RFTN1: variants seen among roughly 807,000 people sequenced by gnomAD.
RFTN1 encodes raftlin.
Under a neutral mutation model 46.5 loss-of-function variants are expected in RFTN1, and 26 were observed. That is an observed-to-expected ratio of 0.56 (90% CI 0.41 to 0.78). The LOEUF is 0.78. RFTN1 is among the 30% of genes least tolerant of loss of function. RFTN1 has a pLI of 0.00. For missense variants in RFTN1, 693 were observed against 718.7 expected, an observed-to-expected ratio of 0.96 and a Z score of 0.41; for synonymous variants, 261 against 284.2, an observed-to-expected ratio of 0.92 and a Z score of 0.82.
At chr3:16,476,399 C>G (rs1236115239) in intron 2 of RFTN1, among the ~76,000 whole-genome samples, 1 of 152,186 alleles carries the variant, frequency 6.6e-6, no homozygotes, top group Non-Finnish European at 1.5e-5. Flanking sequence ...CCTCATGGAG[C>G]TTACCATTAT....
At chr3:16,330,025 TAAAG>T (rs1343865485) in intron 7 of RFTN1, among the ~76,000 whole-genome samples, 2 of 152,162 alleles carry the variant, frequency 1.3e-5, no homozygotes, top group African/African-American at 2.4e-5. Context: ...GTCACTCTCT[TAAAG>T]AAAAAATCAG....
At chr3:16,386,367 G>A (rs191271667) in intron 4 of RFTN1, among the ~76,000 whole-genome samples, 1 of 152,174 alleles carries the variant, frequency 6.6e-6, no homozygotes. Context: ...GCTGTACGTG[G>A]ATTAACTCAT....
rs1443257724 is a variant in RFTN1, at chr3:16,335,537, CACTT to C, written c.1147-8665_1147-8662del. ...CAGAAAATCAAACACCACATGTTCT[CACTT>C]ACAAGTGGGAGAGCTGAACGGTGAA... On this transcript the variant is annotated intron_variant, in intron 7 of 9. Coordinates refer to ENST00000334133, the MANE Select transcript of RFTN1 (RefSeq NM_015150.2). The surrounding 1 kb of genome is among the most constrained non-coding windows in gnomAD (Gnocchi z 4.7). Among the ~76,000 whole-genome samples the C allele has an allele frequency of 2.0e-4, 31 of 152,326 alleles. No individual in the cohort carries two copies. The highest frequency in any genetic ancestry group is 6.7e-4 in the African/African-American group (28 of 41,566).
rs2074224176 is a variant in RFTN1 at position 16,387,570 on chromosome 3, T to TTCTCTCTCTCTCCCTCTCTC, written c.442-9469_442-9468insGAGAGAGGGAGAGAGAGAGA. Among the ~76,000 whole-genome samples the TTCTCTCTCTCTCCCTCTCTC allele has an allele frequency of 8.6e-6, 1 of 116,418 alleles. No individual in the cohort carries two copies. The highest frequency in any genetic ancestry group is 2.3e-4 in the East Asian group (1 of 4,296). The allele number at this position is 116,418 out of a possible 152,430, so 76.4% of individuals were successfully genotyped here. ...CACTTCTCTCTTCTATATCCTCAAT[T>TTCTCTCTCTCTCCCTCTCTC]TCTCTCTCTCTCTCTCTCTCTCTCT... On this transcript the variant is annotated intron_variant, in intron 4 of 9. Transcript: ENST00000334133. This position sits in a 1 kb window ranked among gnomAD's most constrained non-coding sequence, Gnocchi z 5.2.
chr3:16,329,110 C>G lies in RFTN1; in HGVS notation c.1147-2234G>C, dbSNP rs1232942736. Among the ~76,000 whole-genome samples, 2 of 152,204 alleles carry G rather than the reference C, an allele frequency of 1.3e-5. No individual in the cohort carries two copies. Among genetic ancestry groups the G allele is most frequent in the Non-Finnish European group, 2.9e-5 (2 of 68,036 alleles). ...ACTCTTGTGAATGGGTTAATGCCAA[C>G]TCAGGCAAAGGGCTTGAGGCTACAA... On this transcript the variant is annotated intron_variant, in intron 7 of 9. Coordinates refer to ENST00000334133, the MANE Select transcript of RFTN1 (RefSeq NM_015150.2). This position sits in a 1 kb window ranked among gnomAD's most constrained non-coding sequence, Gnocchi z 4.5.
At chr3:16,325,611 T>C (rs887791394) in intron 8 of RFTN1, among the ~76,000 whole-genome samples, 5 of 152,202 alleles carry the variant, frequency 3.3e-5, no homozygotes, top group African/African-American at 4.8e-5. Flanking sequence ...GGGTTCTTTC[T>C]ACACCACTGC....
chr3:16,442,436 C>A lies in RFTN1; in HGVS notation c.146-8399G>T, dbSNP rs1349852655. On this transcript the variant is annotated intron_variant, in intron 2 of 9. Transcript: ENST00000334133. The surrounding 1 kb of genome is among the most constrained non-coding windows in gnomAD (Gnocchi z 4.1). The stretch of plus-strand genomic sequence containing the variant: ...CATGCTTTCACAAAAAAAAACTATT[C>A]TTTTTTTAAATTTTAATGGATTTTT... Among the ~76,000 whole-genome samples the A allele has an allele frequency of 6.6e-6, 1 of 152,104 alleles. No individual in the cohort carries two copies. Among genetic ancestry groups the A allele is most frequent in the African/African-American group, 2.4e-5 (1 of 41,414 alleles).
chr3:16,454,929 G>A (rs960868551), intron 2 of RFTN1: 2 of 273,618 alleles, frequency 7.3e-6, no homozygotes, highest in African/African-American at 4.6e-5. Context: ...AAAAACAAAG[G>A]ATAGAGCAAA....
At chr3:16,471,085 C>A (rs1200644801) in intron 2 of RFTN1, among the ~76,000 whole-genome samples, 3 of 152,138 alleles carry the variant, frequency 2.0e-5, no homozygotes, top group Non-Finnish European at 4.4e-5. Context: ...TTCCCAAAAA[C>A]CACAGAATAA....
At chr3:16,412,517 G>A (rs894140391) in intron 3 of RFTN1, among the ~76,000 whole-genome samples, 2 of 152,208 alleles carry the variant, frequency 1.3e-5, no homozygotes, top group Non-Finnish European at 1.5e-5. Context: ...GGGAGTTTCT[G>A]GGCTTCTCAG....
rs1457175639 is a variant in RFTN1, at chr3:16,443,044, A to G, written c.146-9007T>C. 2.0e-5 allele frequency among the ~76,000 whole-genome samples: 3 copies of G among 152,244 alleles called. No individual in the cohort carries two copies. Among genetic ancestry groups the G allele is most frequent in the Non-Finnish European group, 4.4e-5 (3 of 68,038 alleles). ...GTGAATAATGCTGCATGGAGTGCAGATATCTCTTCAACATACTGATTTCAT... is the reference window on the plus strand; with the variant it reads ...GTGAATAATGCTGCATGGAGTGCAGGTATCTCTTCAACATACTGATTTCAT... On this transcript the variant is annotated intron_variant, in intron 2 of 9. Coordinates refer to ENST00000334133, the MANE Select transcript of RFTN1 (RefSeq NM_015150.2). The surrounding 1 kb of genome is among the most constrained non-coding windows in gnomAD (Gnocchi z 5.5).
chr3:16,404,680 G>A (rs2074809137), intron 4 of RFTN1, among the ~76,000 whole-genome samples: 1 of 151,942 alleles, frequency 6.6e-6, no homozygotes, highest in East Asian at 1.9e-4. Context: ...CAACGGCACA[G>A]AGCTGCCCAC....
rs9860072 is a variant in RFTN1, at chr3:16,470,213, A to C, written c.145+23512T>G. Reference sequence around the variant, plus strand: ...ATCAAGTCTCCTGCAGATAACAACTATAAACTCTGCACACACGCACACACA... The same window carrying C: ...ATCAAGTCTCCTGCAGATAACAACTCTAAACTCTGCACACACGCACACACA... On this transcript the variant is annotated intron_variant, in intron 2 of 9. Transcript: ENST00000334133. 5.1e-3 allele frequency among the ~76,000 whole-genome samples: 779 copies of C among 151,728 alleles called. 6 individuals are homozygous for C. Among genetic ancestry groups the C allele is most frequent in the African/African-American group, 0.018 (727 of 41,332 alleles).
chr3:16,492,288 G>A (rs769634153), intron 2 of RFTN1, among the ~76,000 whole-genome samples: 4 of 152,156 alleles, frequency 2.6e-5, no homozygotes, highest in Non-Finnish European at 4.4e-5. Flanking sequence ...GCCTCCGCAC[G>A]GAGACAGTCA....
intron 5 of RFTN1, 92 bp downstream of exon 5, chr3:16,377,626 C>T (rs2073826997): frequency 1.3e-6 from 2 of 1,504,776 alleles, no homozygotes; most frequent in Admixed American, 4.5e-5. Flanking sequence ...CTCTAAATTC[C>T]ATTCCTTTTT....
rs554081011 is a variant in RFTN1, at chr3:16,428,051, T to C, written c.332+5800A>G. Among the ~76,000 whole-genome samples the C allele has an allele frequency of 2.0e-5, 3 of 152,318 alleles. No individual in the cohort carries two copies. Among genetic ancestry groups the C allele is most frequent in the East Asian group, 3.9e-4 (2 of 5,188 alleles). ...TGCAGCTCCCTAGTAGATAGATAAGTTTCTTGAGATCTAGGAGCTCCTTAG... is the reference window on the plus strand; with the variant it reads ...TGCAGCTCCCTAGTAGATAGATAAGCTTCTTGAGATCTAGGAGCTCCTTAG... On this transcript the variant is annotated intron_variant, in intron 3 of 9. Coordinates refer to ENST00000334133, the MANE Select transcript of RFTN1 (RefSeq NM_015150.2). This position sits in a 1 kb window ranked among gnomAD's most constrained non-coding sequence, Gnocchi z 4.7.
At chr3:16,423,818 G>A (rs976558354) in intron 3 of RFTN1, among the ~76,000 whole-genome samples, 1 of 152,152 alleles carries the variant, frequency 6.6e-6, no homozygotes, top group Non-Finnish European at 1.5e-5. Flanking sequence ...AATTCCCCAC[G>A]AACAGGAATC....
Position 16,460,265 on chromosome 3 carries a change from A to G in RFTN1, c.146-26228T>C, listed in dbSNP as rs969414069. On this transcript the variant is annotated intron_variant, in intron 2 of 9. Coordinates refer to ENST00000334133, the MANE Select transcript of RFTN1 (RefSeq NM_015150.2). The surrounding 1 kb of genome is among the most constrained non-coding windows in gnomAD (Gnocchi z 4.8). ...TGTACATTTACTGGGATCTGGCAGG[A>G]TGAGTTGCACATGGGTAGCATTTAT... is the stretch of plus-strand genomic sequence containing the variant. Among the ~76,000 whole-genome samples the G allele has an allele frequency of 1.3e-5, 2 of 152,160 alleles. No homozygotes were observed. The highest frequency in any genetic ancestry group is 2.4e-5 in the African/African-American group (1 of 41,426).
chr3:16,416,046 C>A, intron 3 of RFTN1: 2 of 215,558 alleles, frequency 9.3e-6, no homozygotes, highest in Non-Finnish European at 1.9e-5. Context: ...TTCTCAGAAA[C>A]AGCCTGGGGA....
Sources: allele counts gnomAD v4.1 joint callset (sites outside exome capture counted in the v4.1 genomes callset), GRCh38; gene constraint gnomAD v4.1.1; non-coding constraint Gnocchi (gnomAD v3.1); transcripts MANE v1.5; gene names NCBI Gene and HGNC (gene_info 2026-07-23, HGNC 2026-07-21).